The following UTRN variants were observed in gnomAD, a reference collection of about 807,000 sequenced individuals.
UTRN encodes utrophin.
UTRN carries 283 observed loss-of-function variants against 463.9 expected under a neutral mutation model. The observed-to-expected ratio is 0.61, with a 90% CI of 0.55 to 0.67. The LOEUF (loss-of-function observed/expected upper bound fraction) is 0.67, where lower values mean the gene tolerates loss of function less well. UTRN is among the 30% of genes least tolerant of loss of function. The pLI, the probability that UTRN is intolerant of heterozygous loss-of-function variation, is 0.00. For missense variants in UTRN, 3,922 were observed against 4,084.3 expected, an observed-to-expected ratio of 0.96 and a Z score of 1.08; for synonymous variants, 1,442 against 1,431.5, an observed-to-expected ratio of 1.01 and a Z score of -0.17.
At chr6:144,732,283 C>CATATATATATATACACAT (rs1788753709) in intron 54 of UTRN, among the ~76,000 whole-genome samples, 1 of 123,820 alleles carries the variant, frequency 8.1e-6, no homozygotes, top group Non-Finnish European at 1.6e-5. Flanking sequence ...TATATACACA[C>CATATATATATATACACAT]ATATATATAT....
At position 144,751,953 on chromosome 6, in the gene UTRN, G is replaced by A. The variant is rs773948623; in HGVS notation, c.8355+1G>A. ...TAATATGCGATGGAAACTTTTACAG[G>A]TATCAGCTTATTCCCCTTCATAATG... On this transcript the variant is annotated splice_donor_variant, in intron 56 of 74. Transcript: ENST00000367545. LOFTEE classifies it high-confidence loss of function. 3.1e-6 allele frequency: 5 copies of A among 1,604,908 alleles called. No homozygotes were observed. Among genetic ancestry groups the A allele is most frequent in the Non-Finnish European group, 3.4e-6 (4 of 1,176,144 alleles).
chr6:144,625,628 A>C (rs1775864660), intron 51 of UTRN, among the ~76,000 whole-genome samples: 1 of 152,248 alleles, frequency 6.6e-6, no homozygotes, highest in Non-Finnish European at 1.5e-5. Context: ...GTTCAGTGAG[A>C]AGCTGGCAAA....
intron 23 of UTRN, among the ~76,000 whole-genome samples, chr6:144,466,692 G>T (rs550381556): frequency 3.7e-4 from 57 of 152,244 alleles, no homozygotes; most frequent in African/African-American, 1.3e-3. Flanking sequence ...ATCCTAAGAG[G>T]CTGCTTATAT....
chr6:144,718,286 A>G (rs1430319340), intron 53 of UTRN, among the ~76,000 whole-genome samples: 1 of 152,124 alleles, frequency 6.6e-6, no homozygotes, highest in Non-Finnish European at 1.5e-5. Flanking sequence ...CCTGGTCAAC[A>G]TAGCAAGACT....
chr6:144,310,634 C>CG (rs1229036810), intron 2 of UTRN, among the ~76,000 whole-genome samples: 2 of 93,352 alleles, frequency 2.1e-5, no homozygotes, highest in Admixed American at 1.3e-4. Context: ...CTGGGCGTGG[C>CG]GGGGGGTGGG....
chr6:144,825,881 T>C (rs572973809), intron 66 of UTRN, among the ~76,000 whole-genome samples: 2 of 151,712 alleles, frequency 1.3e-5, no homozygotes, highest in South Asian at 2.1e-4. Context: ...TACACATATG[T>C]AAATTAAGTT....
intron 50 of UTRN, among the ~76,000 whole-genome samples, chr6:144,573,707 A>G (rs572361811): frequency 6.2e-4 from 95 of 152,114 alleles, no homozygotes; most frequent in African/African-American, 2.2e-3. Context: ...AGAATAAAAT[A>G]AAATAAAATA....
intron 54 of UTRN, among the ~76,000 whole-genome samples, chr6:144,745,603 G>T (rs78054985): frequency 4.3e-4 from 65 of 152,234 alleles, no homozygotes; most frequent in African/African-American, 1.5e-3. Flanking sequence ...AATAAATACT[G>T]CACAAGGACT....
intron 2 of UTRN, among the ~76,000 whole-genome samples, chr6:144,358,378 T>C (rs1332268568): frequency 6.6e-6 from 1 of 152,070 alleles, no homozygotes; most frequent in Admixed American, 6.6e-5. Flanking sequence ...ATGAATCAGG[T>C]TTAGCTGAAT....
chr6:144,363,865 G>C (rs528251699), intron 2 of UTRN, among the ~76,000 whole-genome samples: 5 of 152,302 alleles, frequency 3.3e-5, no homozygotes, highest in African/African-American at 1.2e-4. Flanking sequence ...GCTATAAAAA[G>C]CATGCTGAAT....
chr6:144,558,066 C>T (rs1163337649), intron 50 of UTRN, among the ~76,000 whole-genome samples: 1 of 152,160 alleles, frequency 6.6e-6, no homozygotes, highest in Non-Finnish European at 1.5e-5. Context: ...TGTCTTAAAA[C>T]CAATTTGGTA....
chr6:144,313,319 T>C (rs1186847698), intron 2 of UTRN, among the ~76,000 whole-genome samples: 2 of 149,114 alleles, frequency 1.3e-5, no homozygotes, highest in East Asian at 2.0e-4. Context: ...GAGCTAGAAC[T>C]GTGGGGATGG....
At chr6:144,319,686 A>G (rs1775508012) in intron 2 of UTRN, among the ~76,000 whole-genome samples, 1 of 151,924 alleles carries the variant, frequency 6.6e-6, no homozygotes, top group Non-Finnish European at 1.5e-5. Flanking sequence ...TCCCATCTCA[A>G]CCTTCAGAGT....
In UTRN at chr6:144,522,092, A is replaced by T. The variant is rs764937473; in HGVS notation, c.5654A>T (p.Asp1885Val). The T allele has an allele frequency of 5.7e-6, 9 of 1,586,458 alleles. No homozygotes were observed. Among genetic ancestry groups the T allele is most frequent in the Non-Finnish European group, 7.7e-6 (9 of 1,168,216 alleles). ...AACAAAATTTTACTTTGCATGGATG[A>T]TGTTGAATTATCGCTTAATGTTCCA... ...EINKILLCMDDVELSLNVPEL... is the reference protein window; with the variant it reads ...EINKILLCMDVVELSLNVPEL... The change falls in exon 40 of 75, where the codon GAT (aspartate) becomes GTT (valine). Residue 1885 changes from aspartate to valine, a missense_variant. Physicochemically the swap from Asp to Val is radical, Grantham distance 152 (BLOSUM62 -3). Coordinates refer to ENST00000367545, the MANE Select transcript of UTRN (RefSeq NM_007124.3).
chr6:144,289,552 G>C (rs1350376476), intron 1 of UTRN, among the ~76,000 whole-genome samples: 1 of 152,024 alleles, frequency 6.6e-6, no homozygotes, highest in South Asian at 2.1e-4. Flanking sequence ...AAACTTCTGG[G>C]CTCAAGTAAT....
At chr6:144,290,752 CTTT>C (rs200477118) in intron 1 of UTRN, among the ~76,000 whole-genome samples, 1 of 99,138 alleles carries the variant, frequency 1.0e-5, no homozygotes, top group African/African-American at 4.2e-5. Context: ...CCACAATCGT[CTTT>C]TTTTTTTTTT....
At chr6:144,788,483 CAT>C (rs369264806) in intron 61 of UTRN, among the ~76,000 whole-genome samples, 9 of 150,048 alleles carry the variant, frequency 6.0e-5, no homozygotes, top group Non-Finnish European at 5.9e-5. Flanking sequence ...TGTATGAAGT[CAT>C]ATATATATAT....
At chr6:144,334,597 T>C (rs1359987928) in intron 2 of UTRN, among the ~76,000 whole-genome samples, 1 of 152,220 alleles carries the variant, frequency 6.6e-6, no homozygotes, top group African/African-American at 2.4e-5. Context: ...TTACTGCTAT[T>C]GAGGAACATG....
rs187903309 is a variant in UTRN at position 144,798,985 on chromosome 6, C to T, written c.9245+995C>T. 5.3e-4 allele frequency among the ~76,000 whole-genome samples: 80 copies of T among 152,360 alleles called. No individual in the cohort carries two copies. The East Asian group carries it at 0.015, about 28-fold the overall frequency. ...TCAAACTCCCGACCATGTGATCTGTCCTCCTTGGCCTCCCAAAGTGCTGGG... is the reference window on the plus strand; with the variant it reads ...TCAAACTCCCGACCATGTGATCTGTTCTCCTTGGCCTCCCAAAGTGCTGGG... On this transcript the variant is annotated intron_variant, in intron 64 of 74. Transcript: ENST00000367545.
Sources: allele counts gnomAD v4.1 joint callset (sites outside exome capture counted in the v4.1 genomes callset), GRCh38; gene constraint gnomAD v4.1.1; transcripts MANE v1.5; gene names NCBI Gene and HGNC (gene_info 2026-07-23, HGNC 2026-07-21).